NF1: variants seen among roughly 807,000 people sequenced by gnomAD.
The protein encoded by NF1 is neurofibromin.
A neutral mutation model predicts 325.7 loss-of-function variants in NF1; 122 were observed. The observed-to-expected ratio is 0.37, with a 90% CI of 0.32 to 0.44. The LOEUF (loss-of-function observed/expected upper bound fraction) is 0.44. Ranked by LOEUF, NF1 falls within the 20% of genes least tolerant of loss-of-function variation. The pLI, the probability that NF1 is intolerant of heterozygous loss-of-function variation, is 1.00. For synonymous variants in NF1, 1,091 were observed against 1,186.0 expected, an observed-to-expected ratio of 0.92 and a Z score of 1.65; for missense variants, 2,140 against 3,415.4, an observed-to-expected ratio of 0.63 and a Z score of 9.31.
chr17:31,370,135 T>C lies in NF1; in HGVS notation c.8378-3878T>C, dbSNP rs904013913. On this transcript the variant is annotated intron_variant, in intron 57 of 57. Coordinates refer to ENST00000358273, the MANE Select transcript of NF1 (RefSeq NM_001042492.3). Reference sequence around the variant, plus strand: ...ATTTACCTATGTGTGATTTATACAGTTGGGTCACTAAGTAGGAAGAAAACA... The same window carrying C: ...ATTTACCTATGTGTGATTTATACAGCTGGGTCACTAAGTAGGAAGAAAACA... Among the ~76,000 whole-genome samples the C allele has an allele frequency of 3.9e-5, 6 of 152,282 alleles. No individual in the cohort carries two copies. In the East Asian group the frequency reaches 9.6e-4, roughly 24 times the overall value.
intron 11 of NF1, 111 bp downstream of exon 11, chr17:31,201,596 G>A (rs17879170): frequency 3.8e-6 from 3 of 794,496 alleles, no homozygotes; most frequent in Non-Finnish European, 6.5e-6. Flanking sequence ...TCTGAATTTA[G>A]ATGTATGAAA....
intron 36 of NF1, among the ~76,000 whole-genome samples, chr17:31,267,229 G>A (rs1288788472): frequency 2.0e-5 from 3 of 152,028 alleles, no homozygotes; most frequent in Non-Finnish European, 4.4e-5. Flanking sequence ...ACTGCACCTG[G>A]CCTTAGCTGC....
At position 31,349,175 on chromosome 17, in the gene NF1, A is replaced by G. The variant is rs539553128; in HGVS notation, c.7245A>G (p.Thr2415=). ...IVARTVRILH[T]LLTLVNKHRN... is the part of the protein sequence containing the mutation. ...CAAGAACAGTCAGAATTTTACATAC[A>G]CTACTAACTCTGGTTAACAAACACA... Residue 2415 remains threonine (T), a synonymous_variant, in exon 49 of 58, where the codon ACA becomes ACG. Coordinates refer to ENST00000358273, the MANE Select transcript of NF1 (RefSeq NM_001042492.3). 11 of 1,612,804 alleles carry G rather than the reference A, an allele frequency of 6.8e-6. No individual in the cohort carries two copies. The highest frequency in any genetic ancestry group is 1.7e-4 in the Middle Eastern group (1 of 6,060).
At chr17:31,351,567 C>T (rs1350054940) in intron 50 of NF1, among the ~76,000 whole-genome samples, 1 of 152,160 alleles carries the variant, frequency 6.6e-6, no homozygotes, top group Non-Finnish European at 1.5e-5. Flanking sequence ...CAGGCGCGTG[C>T]CACCATGCCC....
At chr17:31,128,397 G>C (rs1447955213) in intron 1 of NF1, 1 of 152,030 alleles carries the variant, frequency 6.6e-6, no homozygotes, top group Non-Finnish European at 1.5e-5. Flanking sequence ...TGACTTGTTG[G>C]CATGGTTGCT....
At chr17:31,156,841 C>G (rs569753739) in intron 2 of NF1, among the ~76,000 whole-genome samples, 1 of 152,274 alleles carries the variant, frequency 6.6e-6, no homozygotes, top group East Asian at 1.9e-4. Context: ...TGATCCCTTC[C>G]TCTCTCTAAA....
chr17:31,185,035 A>C (rs1360911629), intron 8 of NF1, among the ~76,000 whole-genome samples: 1 of 152,170 alleles, frequency 6.6e-6, no homozygotes, highest in East Asian at 1.9e-4. Flanking sequence ...CCCCATCCCC[A>C]GTAGTGGCAA....
intron 29 of NF1, among the ~76,000 whole-genome samples, chr17:31,236,789 T>C (rs2067211878): frequency 6.6e-6 from 1 of 152,028 alleles, no homozygotes. Context: ...TGAAGCTTTC[T>C]CTGCTTGTTA....
In NF1 at chr17:31,095,299, G is replaced by T; in HGVS notation, c.-11G>T. On this transcript the variant is annotated 5_prime_UTR_variant, in exon 1 of 58. Transcript: ENST00000358273. ...CCCTTCCCTCCGCCGCCCCCCGGCC[G>T]CGGGGAGGACATGGCCGCGCACAGG... 1.3e-6 allele frequency: 2 copies of T among 1,536,482 alleles called. No individual in the cohort carries two copies.
intron 37 of NF1, 48 bp downstream of exon 37, chr17:31,326,300 T>G: frequency 6.4e-7 from 1 of 1,558,952 alleles, no homozygotes; most frequent in Non-Finnish European, 8.7e-7. Context: ...TTTTCTTGAC[T>G]AACTAGACTA....
intron 22 of NF1, 134 bp from the exon 23 acceptor site, chr17:31,230,126 G>A (rs1438041081): frequency 9.2e-6 from 13 of 1,407,580 alleles, no homozygotes; most frequent in Admixed American, 1.9e-5. Flanking sequence ...AGTTGTGTAC[G>A]TTCTTTTCTA....
chr17:31,139,307 C>T (rs746543853), intron 1 of NF1, among the ~76,000 whole-genome samples: 1 of 151,970 alleles, frequency 6.6e-6, no homozygotes, highest in Non-Finnish European at 1.5e-5. Flanking sequence ...CTCGGCCTCT[C>T]AAAGTGCTGG....
At chr17:31,256,876 G>T (rs933924778) in intron 31 of NF1, among the ~76,000 whole-genome samples, 3 of 152,176 alleles carry the variant, frequency 2.0e-5, no homozygotes, top group Non-Finnish European at 4.4e-5. Context: ...TGTAACTGAA[G>T]ATGGAACTAT....
intron 30 of NF1, chr17:31,252,316 G>T (rs908924562): frequency 6.8e-5 from 14 of 206,038 alleles, no homozygotes; most frequent in African/African-American, 3.0e-4. Flanking sequence ...CCTCTGATTA[G>T]AACCATTTCA....
At chr17:31,122,645 T>C (rs1043493282) in intron 1 of NF1, among the ~76,000 whole-genome samples, 2 of 152,250 alleles carry the variant, frequency 1.3e-5, no homozygotes, top group East Asian at 1.9e-4. Flanking sequence ...CAAAAGAGCA[T>C]TTCTACCTCT....
intron 29 of NF1, among the ~76,000 whole-genome samples, chr17:31,238,637 G>A (rs187427846): frequency 4.0e-4 from 61 of 152,138 alleles, no homozygotes; most frequent in African/African-American, 1.5e-3. Context: ...GGAGGCTGAG[G>A]CAGGAGAATC....
At chr17:31,147,349 AGTATT>A (rs1319199951) in intron 1 of NF1, among the ~76,000 whole-genome samples, 16 of 152,324 alleles carry the variant, frequency 1.1e-4, no homozygotes, top group African/African-American at 2.9e-4. Context: ...TCTGTCTGTC[AGTATT>A]GTATTTGTGA....
intron 38 of NF1, among the ~76,000 whole-genome samples, chr17:31,329,140 C>G (rs976301121): frequency 6.6e-6 from 1 of 151,928 alleles, no homozygotes; most frequent in Non-Finnish European, 1.5e-5. Context: ...CCAATGCACA[C>G]CAGCCTGGGG....
At chr17:31,149,269 T>C (rs1032998233) in intron 1 of NF1, among the ~76,000 whole-genome samples, 12 of 151,462 alleles carry the variant, frequency 7.9e-5, no homozygotes, top group African/African-American at 1.2e-4. Flanking sequence ...TATACACTTA[T>C]ATACATGTAC....
Sources: gnomAD v4.1 joint callset for allele counts (sites outside exome capture counted in the v4.1 genomes callset) on GRCh38, gnomAD v4.1.1 for gene constraint, MANE v1.5 for transcripts, NCBI Gene and HGNC (gene_info 2026-07-23, HGNC 2026-07-21) for gene names.